ATP8A2: variants seen among roughly 807,000 people sequenced by gnomAD.
ATP8A2 encodes ATPase phospholipid transporting 8A2.
Under a neutral mutation model 165.6 loss-of-function variants are expected in ATP8A2, and 100 were observed. The ratio of observed to expected loss-of-function variants is 0.60; its 90% CI spans 0.51 to 0.71. ATP8A2 has a LOEUF of 0.71. Ranked by LOEUF, ATP8A2 falls within the 30% of genes least tolerant of loss-of-function variation. The probability of loss-of-function intolerance (pLI) is 0.00; values close to 1 mark genes in which losing one functional copy is unlikely to be tolerated. For synonymous variants in ATP8A2, 543 were observed against 548.8 expected, an observed-to-expected ratio of 0.99 and a Z score of 0.15; for missense variants, 1,227 against 1,479.5, an observed-to-expected ratio of 0.83 and a Z score of 2.80.
intron 32 of ATP8A2, among the ~76,000 whole-genome samples, chr13:25,861,364 C>T (rs1008129521): frequency 2.3e-4 from 35 of 152,174 alleles, no homozygotes; most frequent in African/African-American, 8.0e-4. Context: ...AAATACAAGT[C>T]AACAAAGTTA....
At chr13:25,426,685 G>A (rs1294661480) in intron 1 of ATP8A2, among the ~76,000 whole-genome samples, 4 of 152,120 alleles carry the variant, frequency 2.6e-5, no homozygotes, top group African/African-American at 4.8e-5. Flanking sequence ...GCTCATGCCT[G>A]TAATCCCAGT....
At chr13:25,829,682 A>ATATG (rs1951411023) in intron 28 of ATP8A2, among the ~76,000 whole-genome samples, 2 of 32,954 alleles carry the variant, frequency 6.1e-5, no homozygotes, top group Non-Finnish European at 1.2e-4. Context: ...ATATATATAT[A>ATATG]TATATATATA....
chr13:25,490,382 C>G lies in ATP8A2; in HGVS notation c.221+21261C>G, dbSNP rs139800381. ...GAGCACAGCACGGACGGGCCAGGAG[C>G]CGGGGCTCCCATGCCTGAAGCTGCT... On this transcript the variant is annotated intron_variant, in intron 2 of 36. Transcript: ENST00000381655. Among the ~76,000 whole-genome samples, 759 of 152,326 alleles carry G rather than the reference C, an allele frequency of 5.0e-3. 5 individuals are homozygous for G. The highest frequency in any genetic ancestry group is 0.018 in the African/African-American group (736 of 41,580).
chr13:25,935,570 C>T (rs1593586810), intron 33 of ATP8A2, among the ~76,000 whole-genome samples: 1 of 152,170 alleles, frequency 6.6e-6, no homozygotes, highest in African/African-American at 2.4e-5. Context: ...TGGTGAGGGC[C>T]TCAGAAAGCT....
Position 25,570,974 on chromosome 13 carries a change from C to CGGCT in ATP8A2, c.1579+104_1579+107dup, listed in dbSNP as rs2138179064. On this transcript the variant is annotated intron_variant, in intron 17 of 36. Transcript: ENST00000381655. ...TGCCATGTAGTCCGTCCCACAGACT[C>CGGCT]GGCTGTCTGCTGTTGGCCTCACCCT... 2.3e-5 allele frequency: 19 copies of CGGCT among 809,008 alleles called. No homozygotes were observed. In the South Asian group the frequency reaches 3.5e-4, roughly 15 times the overall value. The allele number at this position is 809,008 out of a possible 1,614,324, so 50.1% of individuals were successfully genotyped here.
intron 1 of ATP8A2, among the ~76,000 whole-genome samples, chr13:25,459,298 G>C (rs1050463831): frequency 2.0e-5 from 3 of 152,210 alleles, no homozygotes; most frequent in African/African-American, 7.2e-5. Flanking sequence ...TTCTATACAG[G>C]ATGATGCCTT....
At chr13:25,437,949 C>T (rs1168787923) in intron 1 of ATP8A2, among the ~76,000 whole-genome samples, 3 of 152,148 alleles carry the variant, frequency 2.0e-5, no homozygotes, top group African/African-American at 4.8e-5. Flanking sequence ...GATAAGGCAG[C>T]CTTATTTATT....
chr13:25,655,272 G>T (rs2041903294), intron 24 of ATP8A2, among the ~76,000 whole-genome samples: 1 of 152,192 alleles, frequency 6.6e-6, no homozygotes. Context: ...CAATCCTCCT[G>T]CCTTAGCTTC....
At chr13:25,540,651 A>AG (rs2038444549) in intron 8 of ATP8A2, among the ~76,000 whole-genome samples, 1 of 152,060 alleles carries the variant, frequency 6.6e-6, no homozygotes, top group Admixed American at 6.6e-5. Context: ...TGCTGGAGAG[A>AG]GGGGACATCT....
At chr13:25,388,480 C>T (rs577455864) in intron 1 of ATP8A2, among the ~76,000 whole-genome samples, 1 of 152,266 alleles carries the variant, frequency 6.6e-6, no homozygotes, top group Admixed American at 6.5e-5. Flanking sequence ...TAAGGGGGTC[C>T]GTGTGAGAGG....
chr13:26,008,268 A>G (rs1460182322), intron 35 of ATP8A2, among the ~76,000 whole-genome samples: 1 of 152,226 alleles, frequency 6.6e-6, no homozygotes, highest in African/African-American at 2.4e-5. Flanking sequence ...GTGATGAAAG[A>G]AGATACAGAT....
chr13:25,461,490 C>A (rs1394916851), intron 1 of ATP8A2, among the ~76,000 whole-genome samples: 4 of 152,142 alleles, frequency 2.6e-5, no homozygotes, highest in Non-Finnish European at 5.9e-5. Flanking sequence ...TGTGTATATG[C>A]ATGCACACGT....
intron 27 of ATP8A2, among the ~76,000 whole-genome samples, chr13:25,811,436 C>T (rs545935915): frequency 3.9e-5 from 6 of 152,106 alleles, no homozygotes; most frequent in Middle Eastern, 3.4e-3. Flanking sequence ...GCGTAGTATA[C>T]GTGTGTGTTA....
chr13:25,695,385 G>T (rs1442146624), intron 24 of ATP8A2, among the ~76,000 whole-genome samples: 1 of 152,124 alleles, frequency 6.6e-6, no homozygotes, highest in African/African-American at 2.4e-5. Context: ...AGGTTGGGGT[G>T]GTTTTGGCAA....
At chr13:25,762,932 G>A (rs759947227) in intron 25 of ATP8A2, among the ~76,000 whole-genome samples, 4 of 152,158 alleles carry the variant, frequency 2.6e-5, no homozygotes, top group Non-Finnish European at 4.4e-5. Flanking sequence ...GCAGCTGATG[G>A]CGTTAGGGAA....
chr13:25,542,840 TA>T (rs1281939046), intron 9 of ATP8A2, among the ~76,000 whole-genome samples: 3 of 152,054 alleles, frequency 2.0e-5, no homozygotes, highest in Non-Finnish European at 2.9e-5. Flanking sequence ...AAGTCATCCT[TA>T]AAAAAATTGA....
intron 35 of ATP8A2, among the ~76,000 whole-genome samples, chr13:26,006,900 C>T (rs1956751291): frequency 6.6e-6 from 1 of 151,138 alleles, no homozygotes; most frequent in South Asian, 2.1e-4. Flanking sequence ...TTTAAATATA[C>T]TAAACTTAGT....
At chr13:25,980,734 G>A (rs1452573129) in intron 35 of ATP8A2, among the ~76,000 whole-genome samples, 1 of 152,084 alleles carries the variant, frequency 6.6e-6, no homozygotes, top group African/African-American at 2.4e-5. Flanking sequence ...AGCCAGGCAC[G>A]GTGGCATGCA....
At chr13:25,808,782 TACTTAA>T (rs923222877) in intron 27 of ATP8A2, among the ~76,000 whole-genome samples, 2 of 152,116 alleles carry the variant, frequency 1.3e-5, no homozygotes, top group Admixed American at 1.3e-4. Context: ...AGTATATTTC[TACTTAA>T]AATTTTTTTT....
Sources: gnomAD v4.1 joint callset for allele counts (sites outside exome capture counted in the v4.1 genomes callset) on GRCh38, gnomAD v4.1.1 for gene constraint, MANE v1.5 for transcripts, NCBI Gene and HGNC (gene_info 2026-07-23, HGNC 2026-07-21) for gene names.